Variants in PLGRKT observed in about 807,000 individuals in gnomAD.
The protein encoded by PLGRKT is plasminogen receptor (KT).
In PLGRKT, 22 loss-of-function variants were observed where a neutral mutation model predicts 18.5. The ratio of observed to expected loss-of-function variants is 1.19; its 90% confidence interval spans 0.85 to 1.70. The LOEUF (loss-of-function observed/expected upper bound fraction) is 1.70, where lower values mean the gene tolerates loss of function less well. Among genes scored for constraint, PLGRKT ranks in the 40% most tolerant of loss-of-function variants. The pLI is 0.00. For synonymous variants in PLGRKT, 72 were observed against 52.8 expected, an observed-to-expected ratio of 1.36 and a Z score of -1.58; for missense variants, 235 against 174.4, an observed-to-expected ratio of 1.35 and a Z score of -1.96.
At position 5,359,982 on chromosome 9, in the gene PLGRKT, T is replaced by C. The variant is rs142184839; in HGVS notation, c.322+1096A>G. ...AATTGATTCTCACAGAATGCTTTCA[T>C]TGATTTTTATGGAATGCTTGAATCT... On this transcript the variant is annotated intron_variant, in intron 5 of 5. Transcript: ENST00000223864. 2.0e-4 allele frequency among the ~76,000 whole-genome samples: 31 copies of C among 152,350 alleles called. No homozygotes were observed. In the East Asian group the frequency reaches 5.8e-3, roughly 28 times the overall value.
At chr9:5,369,176 C>T (rs967701195) in intron 3 of PLGRKT, among the ~76,000 whole-genome samples, 4 of 152,184 alleles carry the variant, frequency 2.6e-5, no homozygotes, top group African/African-American at 9.7e-5. Context: ...AGACCAACTA[C>T]AGAATGGGAG....
At chr9:5,387,704 G>T (rs904317808) in intron 3 of PLGRKT, among the ~76,000 whole-genome samples, 6 of 151,786 alleles carry the variant, frequency 4.0e-5, no homozygotes, top group East Asian at 1.9e-4. Context: ...TTTGATCTGG[G>T]TGTTAAGTAC....
At chr9:5,376,701 G>A (rs1251701733) in intron 3 of PLGRKT, among the ~76,000 whole-genome samples, 2 of 152,004 alleles carry the variant, frequency 1.3e-5, no homozygotes, top group African/African-American at 4.8e-5. Flanking sequence ...ATTCTGTAAG[G>A]TATTGTTAAA....
intron 3 of PLGRKT, among the ~76,000 whole-genome samples, chr9:5,371,668 A>G (rs1228723738): frequency 6.6e-6 from 1 of 152,120 alleles, no homozygotes; most frequent in Non-Finnish European, 1.5e-5. Context: ...CTCAACCATT[A>G]TCTAAAATTC....
At chr9:5,383,813 T>G (rs927034154) in intron 3 of PLGRKT, among the ~76,000 whole-genome samples, 1 of 152,146 alleles carries the variant, frequency 6.6e-6, no homozygotes, top group Non-Finnish European at 1.5e-5. Flanking sequence ...TGCTGGGCAG[T>G]CCGGTTCCTA....
intron 2 of PLGRKT, among the ~76,000 whole-genome samples, chr9:5,435,290 T>G (rs1483737512): frequency 7.5e-6 from 1 of 132,726 alleles, no homozygotes; most frequent in South Asian, 2.3e-4. Flanking sequence ...TCCCCCTCTC[T>G]AAGAAACACC....
At chr9:5,394,272 G>A (rs6476969) in intron 3 of PLGRKT, among the ~76,000 whole-genome samples, 41,341 of 151,476 alleles carry the variant, frequency 0.27, 6,362 homozygotes, top group African/African-American at 0.38. Context: ...GGCAGAGGAG[G>A]CAGACATATT....
At position 5,418,572 on chromosome 9, in the gene PLGRKT, AGGGATGGTCACCACAGTGAC is replaced by A; in HGVS notation, c.81+13305_81+13324del. The A allele has an allele frequency of 1.3e-6, 1 of 776,590 alleles. No homozygotes were observed. The allele number at this position is 776,590 out of a possible 1,614,324, so 48.1% of individuals were successfully genotyped here. ...TGCCTTGCAGAGGCTGCTGTCCAGC[AGGGATGGTCACCACAGTGAC>A]GGACTTCTGCCGGTTCCTGGGCAGC... On this transcript the variant is annotated intron_variant, in intron 3 of 5. Transcript: ENST00000223864. The surrounding 1 kb of genome is among the most constrained non-coding windows in gnomAD (Gnocchi z 4.2).
At chr9:5,433,819 G>A (rs1331947738) in intron 2 of PLGRKT, among the ~76,000 whole-genome samples, 1 of 140,744 alleles carries the variant, frequency 7.1e-6, no homozygotes, top group Non-Finnish European at 1.5e-5. Flanking sequence ...GAAGTGAGGA[G>A]CGTCTCTGCC....
At chr9:5,434,706 C>T (rs112410567) in intron 2 of PLGRKT, among the ~76,000 whole-genome samples, 10 of 149,232 alleles carry the variant, frequency 6.7e-5, no homozygotes, top group African/African-American at 2.5e-5. Flanking sequence ...GTGCCTCTGC[C>T]TGGCCGCTCC....
Position 5,361,779 on chromosome 9 carries a change from G to A in PLGRKT, c.191C>T (p.Ala64Val), listed in dbSNP as rs1336563507. The A allele has an allele frequency of 6.2e-7, 1 of 1,612,402 alleles. No homozygotes were observed. Residue 64 changes from alanine (A) to valine (V), a missense_variant, in exon 4 of 6, where the codon GCA becomes GTA. Ala to Val is a moderately conservative substitution (Grantham distance 64). Transcript: ENST00000223864. ...ATACCCAGCTGTTAAAGAGATGGCT[G>A]CAAGGCCAAAAAAAGTTCCAAAATA... ...LKYFGTFFGL[A>V]AISLTAGAIK...
chr9:5,372,367 C>T (rs1817538421), intron 3 of PLGRKT, among the ~76,000 whole-genome samples: 1 of 152,058 alleles, frequency 6.6e-6, no homozygotes, highest in Admixed American at 6.6e-5. Flanking sequence ...TTCTAATATG[C>T]CTAATCTTCC....
intron 2 of PLGRKT, among the ~76,000 whole-genome samples, chr9:5,433,029 C>T (rs558181811): frequency 8.6e-5 from 13 of 150,936 alleles, no homozygotes; most frequent in East Asian, 2.0e-4. Context: ...TCTGCCTGGC[C>T]GCCCATCGTC....
chr9:5,415,015 A>C (rs1563785996), intron 3 of PLGRKT, among the ~76,000 whole-genome samples: 6 of 152,246 alleles, frequency 3.9e-5, no homozygotes. Context: ...TCATCATAAC[A>C]GTAAGCATAC....
intron 3 of PLGRKT, among the ~76,000 whole-genome samples, chr9:5,396,131 T>A (rs1818044026): frequency 6.6e-6 from 1 of 151,446 alleles, no homozygotes; most frequent in Non-Finnish European, 1.5e-5. Flanking sequence ...TGACCTGAGG[T>A]GATCAGTCCG....
At chr9:5,371,081 C>A (rs771159896) in intron 3 of PLGRKT, among the ~76,000 whole-genome samples, 1 of 152,146 alleles carries the variant, frequency 6.6e-6, no homozygotes, top group Non-Finnish European at 1.5e-5. Context: ...ATAATTACAT[C>A]CATTCTTACG....
chr9:5,407,141 T>C (rs923579720), intron 3 of PLGRKT, among the ~76,000 whole-genome samples: 1 of 152,186 alleles, frequency 6.6e-6, no homozygotes, highest in African/African-American at 2.4e-5. Context: ...ATTCTATAAT[T>C]TGGCATCTAA....
At chr9:5,383,724 T>A (rs1817788415) in intron 3 of PLGRKT, among the ~76,000 whole-genome samples, 1 of 152,150 alleles carries the variant, frequency 6.6e-6, no homozygotes, top group Admixed American at 6.5e-5. Flanking sequence ...TTCACACTCC[T>A]ATGAGAATCT....
intron 3 of PLGRKT, among the ~76,000 whole-genome samples, chr9:5,364,516 A>G (rs1788043477): frequency 6.6e-6 from 1 of 152,208 alleles, no homozygotes; most frequent in African/African-American, 2.4e-5. Context: ...AAATCAGCCA[A>G]AAGGGCAAGG....
Sources: allele counts gnomAD v4.1 joint callset (sites outside exome capture counted in the v4.1 genomes callset), GRCh38; gene constraint gnomAD v4.1.1; non-coding constraint Gnocchi (gnomAD v3.1); transcripts MANE v1.5; gene names NCBI Gene and HGNC (gene_info 2026-07-23, HGNC 2026-07-21).